Variants in NR2C2 observed in about 807,000 individuals in gnomAD.
NR2C2 encodes the protein Nuclear hormone receptor TR4.
Under a neutral mutation model 62.9 loss-of-function variants are expected in NR2C2, and 6 were observed. The observed-to-expected ratio is 0.10, with a 90% CI of 0.05 to 0.19. The LOEUF (loss-of-function observed/expected upper bound fraction) is 0.19. Among genes scored for constraint, NR2C2 ranks in the 10% least tolerant of loss-of-function variants. The pLI is 1.00. For synonymous variants in NR2C2, 272 were observed against 273.8 expected, an observed-to-expected ratio of 0.99 and a Z score of 0.07; for missense variants, 479 against 762.7, an observed-to-expected ratio of 0.63 and a Z score of 4.38.
intron 1 of NR2C2, among the ~76,000 whole-genome samples, chr3:14,984,563 CT>C (rs1260028268): frequency 6.6e-6 from 1 of 152,134 alleles, no homozygotes; most frequent in African/African-American, 2.4e-5. Flanking sequence ...CATGTGTCCA[CT>C]TTTTTTGTCT....
intron 1 of NR2C2, among the ~76,000 whole-genome samples, chr3:14,982,160 G>A (rs1202595591): frequency 6.6e-6 from 1 of 152,136 alleles, no homozygotes; most frequent in Non-Finnish European, 1.5e-5. Context: ...TCACTCTTGG[G>A]CTCAAGCAGT....
chr3:14,995,205 T>C (rs1317335525), intron 1 of NR2C2, among the ~76,000 whole-genome samples: 1 of 151,298 alleles, frequency 6.6e-6, no homozygotes, highest in Non-Finnish European at 1.5e-5. Context: ...TTCACTATGT[T>C]GCCCAGGCTG....
chr3:15,031,526 C>G (rs1022193141), intron 9 of NR2C2, among the ~76,000 whole-genome samples: 1 of 151,856 alleles, frequency 6.6e-6, no homozygotes, highest in African/African-American at 2.4e-5. Context: ...CACCACCATG[C>G]CCATCTAATT....
intron 4 of NR2C2, among the ~76,000 whole-genome samples, chr3:15,019,757 G>A (rs1352707117): frequency 6.6e-6 from 1 of 152,086 alleles, no homozygotes; most frequent in Non-Finnish European, 1.5e-5. Context: ...GACTCAGGAG[G>A]GGAAAAGTGA....
chr3:15,033,631 A>C, intron 10 of NR2C2, among the ~76,000 whole-genome samples: 1 of 143,450 alleles, frequency 7.0e-6, no homozygotes, highest in Non-Finnish European at 1.5e-5. Flanking sequence ...AGGTGGTGTA[A>C]CCTCAGGCTT....
chr3:14,992,674 T>C (rs1193437980), intron 1 of NR2C2, among the ~76,000 whole-genome samples: 1 of 152,200 alleles, frequency 6.6e-6, no homozygotes, highest in African/African-American at 2.4e-5. Context: ...GGAGCATGGC[T>C]TTTATTAAAT....
intron 1 of NR2C2, among the ~76,000 whole-genome samples, chr3:14,972,001 G>T (rs1407638222): frequency 6.6e-6 from 1 of 151,330 alleles, no homozygotes; most frequent in Non-Finnish European, 1.5e-5. Context: ...TAGAGACGGG[G>T]TATCTCCGTG....
At chr3:15,029,631 A>C (rs773336666) in intron 8 of NR2C2, among the ~76,000 whole-genome samples, 4 of 152,284 alleles carry the variant, frequency 2.6e-5, no homozygotes, top group Non-Finnish European at 5.9e-5. Context: ...AATGGAAGAT[A>C]ATTTTTAACT....
chr3:14,990,257 G>A (rs2040632230), intron 1 of NR2C2, among the ~76,000 whole-genome samples: 2 of 152,182 alleles, frequency 1.3e-5, no homozygotes, highest in Admixed American at 1.3e-4. Flanking sequence ...TAACATTCTT[G>A]TGAACTTTCA....
chr3:15,001,922 T>C (rs1236133576), intron 1 of NR2C2, among the ~76,000 whole-genome samples: 2 of 152,150 alleles, frequency 1.3e-5, no homozygotes, highest in African/African-American at 4.8e-5. Flanking sequence ...CTGGCCAGTT[T>C]TTGTGTTTTG....
chr3:14,965,337 C>T (rs1402258009), intron 1 of NR2C2, among the ~76,000 whole-genome samples: 1 of 151,878 alleles, frequency 6.6e-6, no homozygotes, highest in Non-Finnish European at 1.5e-5. Flanking sequence ...CTTTCTTTTT[C>T]TTTCTATATC....
At chr3:14,981,994 C>G (rs1468951766) in intron 1 of NR2C2, among the ~76,000 whole-genome samples, 1 of 152,170 alleles carries the variant, frequency 6.6e-6, no homozygotes, top group East Asian at 1.9e-4. Flanking sequence ...TCCTAGTCCA[C>G]TGACTCAAAT....
rs2042506148 is a variant in NR2C2, at chr3:15,047,722, G to T, written c.*4714G>T. On this transcript the variant is annotated 3_prime_UTR_variant, in exon 14 of 14. Coordinates refer to ENST00000425241, the MANE Select transcript of NR2C2 (RefSeq NM_001291694.2). The stretch of plus-strand genomic sequence containing the variant: ...CAGTTAAAAATAAACAACCTACCAA[G>T]TATTATTCTTTAAAACTAAGCATGG... 6.6e-6 allele frequency: 1 copy of T among 152,194 alleles called. No individual in the cohort carries two copies. Among genetic ancestry groups the T allele is most frequent in the Non-Finnish European group, 1.5e-5 (1 of 68,038 alleles). The allele number at this position is 152,194 out of a possible 1,614,324, so 9.4% of individuals were successfully genotyped here.
intron 1 of NR2C2, among the ~76,000 whole-genome samples, chr3:14,999,492 C>T (rs1476397338): frequency 6.6e-6 from 1 of 151,566 alleles, no homozygotes; most frequent in East Asian, 1.9e-4. Context: ...GATCTTGTCC[C>T]CCCCAAAAAA....
At chr3:14,952,412 C>T (rs769028058) in intron 1 of NR2C2, among the ~76,000 whole-genome samples, 18 of 152,244 alleles carry the variant, frequency 1.2e-4, no homozygotes, top group Non-Finnish European at 1.8e-4. Flanking sequence ...ATAAGCCATA[C>T]GCTCCTTTAG....
At chr3:15,029,736 C>G (rs2125053789) in intron 8 of NR2C2, among the ~76,000 whole-genome samples, 1 of 151,908 alleles carries the variant, frequency 6.6e-6, no homozygotes, top group Middle Eastern at 3.4e-3. Flanking sequence ...AAGAGGATCA[C>G]TTGATCCCAG....
intron 1 of NR2C2, among the ~76,000 whole-genome samples, chr3:14,956,805 T>G (rs2039539018): frequency 6.6e-6 from 1 of 152,204 alleles, no homozygotes; most frequent in Admixed American, 6.5e-5. Context: ...CCTCCCAGAG[T>G]GCTGGGATTA....
chr3:14,990,183 T>C (rs1559549114), intron 1 of NR2C2, among the ~76,000 whole-genome samples: 1 of 152,190 alleles, frequency 6.6e-6, no homozygotes, highest in African/African-American at 2.4e-5. Flanking sequence ...GTTTCTGGGC[T>C]CTCCAGGTCT....
chr3:15,042,884 A>G lies in NR2C2; in HGVS notation c.1667A>G (p.Asn556Ser), dbSNP rs2042319499. The change falls in exon 14 of 14, where the codon AAC becomes AGC. Residue 556 changes from asparagine to serine, a missense_variant. Asn to Ser is a conservative substitution (Grantham distance 46). Coordinates refer to ENST00000425241, the MANE Select transcript of NR2C2 (RefSeq NM_001291694.2). ...RLPALRLMSS[N>S]ITEELFFTGL... ...CCGGCACTCAGGCTGATGAGCTCCA[A>G]CATAACAGAAGAACTTTTTTTTACT... The G allele has an allele frequency of 6.2e-7, 1 of 1,614,184 alleles. No individual in the cohort carries two copies.
Sources: gnomAD v4.1 joint callset for allele counts (sites outside exome capture counted in the v4.1 genomes callset) on GRCh38, gnomAD v4.1.1 for gene constraint, MANE v1.5 for transcripts, NCBI Gene and HGNC (gene_info 2026-07-23, HGNC 2026-07-21) for gene names.